The following MDGA2 variants were observed in gnomAD, a reference collection of about 807,000 sequenced individuals.
The protein encoded by MDGA2 is MAM domain containing glycosylphosphatidylinositol anchor 2.
A neutral mutation model predicts 117.8 loss-of-function variants in MDGA2; 40 were observed. The ratio of observed to expected loss-of-function variants is 0.34; its 90% CI spans 0.26 to 0.44. The LOEUF is 0.44. Ranked by LOEUF, MDGA2 falls within the 20% of genes least tolerant of loss-of-function variation. The pLI is 1.00. For synonymous variants in MDGA2, 452 were observed against 439.0 expected, an observed-to-expected ratio of 1.03 and a Z score of -0.37; for missense variants, 1,123 against 1,250.6, an observed-to-expected ratio of 0.90 and a Z score of 1.54.
intron 6 of MDGA2, among the ~76,000 whole-genome samples, chr14:47,083,330 C>G (rs2138902377): frequency 6.6e-6 from 1 of 151,786 alleles, no homozygotes; most frequent in Admixed American, 6.6e-5. Flanking sequence ...ACAGCTAGGG[C>G]CTAGGGGGGT....
At chr14:47,393,612 C>G (rs569212204) in intron 1 of MDGA2, among the ~76,000 whole-genome samples, 1 of 152,182 alleles carries the variant, frequency 6.6e-6, no homozygotes, top group East Asian at 1.9e-4. Flanking sequence ...GGACCAGCCT[C>G]TGGTTTTTGA....
chr14:47,347,324 G>A (rs931159417), intron 1 of MDGA2, among the ~76,000 whole-genome samples: 5 of 152,180 alleles, frequency 3.3e-5, no homozygotes, highest in Admixed American at 6.5e-5. Context: ...AATAATGCCC[G>A]TATTTGAGAG....
At chr14:47,367,363 C>T (rs1407441833) in intron 1 of MDGA2, among the ~76,000 whole-genome samples, 1 of 152,012 alleles carries the variant, frequency 6.6e-6, no homozygotes, top group African/African-American at 2.4e-5. Context: ...GAGTATGAAA[C>T]CAATTAAGAG....
At chr14:47,561,517 T>C (rs978967889) in intron 1 of MDGA2, among the ~76,000 whole-genome samples, 1 of 152,178 alleles carries the variant, frequency 6.6e-6, no homozygotes, top group Non-Finnish European at 1.5e-5. Flanking sequence ...ATTCTTGATT[T>C]GGCTCCCAGC....
intron 6 of MDGA2, among the ~76,000 whole-genome samples, chr14:47,082,605 T>C (rs777726237): frequency 7.2e-5 from 11 of 151,874 alleles, no homozygotes; most frequent in Non-Finnish European, 1.2e-4. Context: ...TAAAGTAATA[T>C]AAAAAAGAAA....
At chr14:47,297,005 G>A (rs1889096960) in intron 2 of MDGA2, among the ~76,000 whole-genome samples, 1 of 152,154 alleles carries the variant, frequency 6.6e-6, no homozygotes, top group South Asian at 2.1e-4. Context: ...TGGCCCCAAT[G>A]CAGGGGTTTC....
chr14:47,404,609 C>T (rs562723691), intron 1 of MDGA2, among the ~76,000 whole-genome samples: 34 of 152,128 alleles, frequency 2.2e-4, no homozygotes, highest in Non-Finnish European at 3.8e-4. Context: ...ATTCTCTTAC[C>T]TCAGTCTTCT....
intron 8 of MDGA2, among the ~76,000 whole-genome samples, chr14:47,016,961 T>C (rs551357552): frequency 6.6e-6 from 1 of 152,038 alleles, no homozygotes; most frequent in African/African-American, 2.4e-5. Flanking sequence ...CCATATTCTA[T>C]CTTATTTTCT....
intron 5 of MDGA2, among the ~76,000 whole-genome samples, chr14:47,102,962 C>T (rs1376439876): frequency 6.6e-6 from 1 of 152,060 alleles, no homozygotes; most frequent in Non-Finnish European, 1.5e-5. Context: ...CGAGTGGCTA[C>T]ATGGAGACAA....
At chr14:46,900,497 A>T (rs1883243801) in intron 10 of MDGA2, among the ~76,000 whole-genome samples, 1 of 152,188 alleles carries the variant, frequency 6.6e-6, no homozygotes, top group South Asian at 2.1e-4. Flanking sequence ...AAACTGTAGG[A>T]CACCCATACC....
At chr14:47,448,703 C>G (rs1333350805) in intron 1 of MDGA2, among the ~76,000 whole-genome samples, 1 of 152,080 alleles carries the variant, frequency 6.6e-6, no homozygotes, top group African/African-American at 2.4e-5. Context: ...AAGTGTCTTC[C>G]TGAGTTCCTT....
chr14:47,379,084 T>A lies in MDGA2; in HGVS notation c.281-77534A>T, dbSNP rs1255999077. Among the ~76,000 whole-genome samples the A allele has an allele frequency of 6.6e-5, 10 of 152,258 alleles. No homozygotes were observed. In the East Asian group the frequency reaches 1.9e-3, roughly 29 times the overall value. ...ATTCAACATTCTTAAAGAAAAGAATTTTCAACCTAGAATTTCATATCCAGC... is the reference window on the plus strand; with the variant it reads ...ATTCAACATTCTTAAAGAAAAGAATATTCAACCTAGAATTTCATATCCAGC... On this transcript the variant is annotated intron_variant, in intron 1 of 16. Coordinates refer to ENST00000399232, the MANE Select transcript of MDGA2 (RefSeq NM_001113498.3).
At chr14:47,032,893 T>G (rs904628696) in intron 8 of MDGA2, among the ~76,000 whole-genome samples, 1 of 152,214 alleles carries the variant, frequency 6.6e-6, no homozygotes, top group Non-Finnish European at 1.5e-5. Flanking sequence ...CTGGCAAGAC[T>G]GCCTGCATCC....
At chr14:46,872,158 T>C (rs886964311) in intron 14 of MDGA2, among the ~76,000 whole-genome samples, 2 of 151,948 alleles carry the variant, frequency 1.3e-5, no homozygotes, top group Non-Finnish European at 2.9e-5. Flanking sequence ...CGGTAAAAGA[T>C]GGACAGTGAC....
intron 15 of MDGA2, among the ~76,000 whole-genome samples, chr14:46,850,918 T>C (rs1205334110): frequency 1.3e-5 from 2 of 151,874 alleles, no homozygotes; most frequent in African/African-American, 4.8e-5. Flanking sequence ...GGAGCCACCA[T>C]TGTGTCCATA....
chr14:47,442,106 T>C (rs1013217802), intron 1 of MDGA2, among the ~76,000 whole-genome samples: 1 of 152,162 alleles, frequency 6.6e-6, no homozygotes, highest in African/African-American at 2.4e-5. Flanking sequence ...TGATTTATCA[T>C]AGGTTGGGAT....
At position 46,994,457 on chromosome 14, in the gene MDGA2, C is replaced by A. The variant is rs181266480; in HGVS notation, c.1820-36814G>T. The stretch of plus-strand genomic sequence containing the variant: ...CTCAAGCTTTGCAGCTGGACTAACT[C>A]CTGGGCAGAAGTGCTTGGATGACAA... On this transcript the variant is annotated intron_variant, in intron 8 of 16. Transcript: ENST00000399232. 6.5e-3 allele frequency among the ~76,000 whole-genome samples: 990 copies of A among 151,976 alleles called. 11 individuals carry two copies. Among genetic ancestry groups the A allele is most frequent in the African/African-American group, 0.023 (951 of 41,428 alleles).
intron 3 of MDGA2, among the ~76,000 whole-genome samples, chr14:47,159,502 T>G (rs1273573284): frequency 6.6e-6 from 1 of 152,214 alleles, no homozygotes; most frequent in African/African-American, 2.4e-5. Context: ...TAAATTCTTG[T>G]AAGGAACCTG....
At chr14:47,156,328 A>T (rs1883388041) in intron 3 of MDGA2, among the ~76,000 whole-genome samples, 1 of 152,206 alleles carries the variant, frequency 6.6e-6, no homozygotes, top group Non-Finnish European at 1.5e-5. Flanking sequence ...ACATCAAGGC[A>T]TACGCTTTCT....
Sources: gnomAD v4.1 joint callset for allele counts (sites outside exome capture counted in the v4.1 genomes callset) on GRCh38, gnomAD v4.1.1 for gene constraint, MANE v1.5 for transcripts, NCBI Gene and HGNC (gene_info 2026-07-23, HGNC 2026-07-21) for gene names.